PRKN: variants seen among roughly 807,000 people sequenced by gnomAD.
PRKN encodes the protein E3 ubiquitin-protein ligase parkin.
In PRKN, 56 loss-of-function variants were observed where a neutral mutation model predicts 59.5. The observed-to-expected ratio is 0.94, with a 90% CI of 0.76 to 1.18. The LOEUF is 1.18. Among genes scored for constraint, PRKN ranks in the 50% most tolerant of loss-of-function variants. The pLI is 0.00. For synonymous variants in PRKN, 250 were observed against 222.1 expected (o/e 1.13, Z -1.12); for missense variants, 657 against 596.4 (o/e 1.10, Z -1.06).
chr6:162,213,804 TACACAC>T (rs58192789), intron 3 of PRKN, among the ~76,000 whole-genome samples: 11,293 of 126,194 alleles, frequency 0.089, 537 homozygotes, highest in Admixed American at 0.12. Flanking sequence ...AAAAAAACCA[TACACAC>T]ACACACACAC....
chr6:162,415,155 C>T (rs745739655), intron 2 of PRKN, among the ~76,000 whole-genome samples: 8 of 152,110 alleles, frequency 5.3e-5, no homozygotes, highest in African/African-American at 1.7e-4. Flanking sequence ...TGCCGGCAAC[C>T]CTGCGTAATA....
chr6:162,211,091 C>A (rs992973868), intron 3 of PRKN, among the ~76,000 whole-genome samples: 5 of 152,186 alleles, frequency 3.3e-5, no homozygotes, highest in East Asian at 1.9e-4. Context: ...AAAGCACAAG[C>A]TTTCCTTTTA....
chr6:161,959,108 C>G (rs1382437063), intron 6 of PRKN, among the ~76,000 whole-genome samples: 1 of 152,162 alleles, frequency 6.6e-6, no homozygotes, highest in African/African-American at 2.4e-5. Flanking sequence ...TCTTCTAATA[C>G]TGTCCTAAAC....
chr6:162,231,004 C>T (rs6927026), intron 3 of PRKN, among the ~76,000 whole-genome samples: 16 of 152,198 alleles, frequency 1.1e-4, no homozygotes, highest in South Asian at 2.1e-4. Flanking sequence ...GGTTCCTGTA[C>T]GACAAATGCT....
intron 1 of PRKN, among the ~76,000 whole-genome samples, chr6:162,617,979 T>C (rs1268397366): frequency 6.6e-6 from 1 of 152,146 alleles, no homozygotes; most frequent in Admixed American, 6.5e-5. Flanking sequence ...CCTAGGAACC[T>C]GAGGTGCAGA....
At position 161,386,455 on chromosome 6, in the gene PRKN, T is replaced by C. The variant is rs915426403; in HGVS notation, c.1167+339A>G. The stretch of plus-strand genomic sequence containing the variant: ...AACTAGGGCATTAAAAACATTGAAG[T>C]AGACTTAGTATGGATTTCTCTGATT... On this transcript the variant is annotated intron_variant, in intron 10 of 11. Coordinates refer to ENST00000366898, the MANE Select transcript of PRKN (RefSeq NM_004562.3). This position sits in a 1 kb window ranked among gnomAD's most constrained non-coding sequence, Gnocchi z 4.3. Among the ~76,000 whole-genome samples, 9 of 152,324 alleles carry C rather than the reference T, an allele frequency of 5.9e-5. No individual in the cohort carries two copies. The highest frequency in any genetic ancestry group is 1.9e-4 in the African/African-American group (8 of 41,578).
chr6:162,217,118 A>C (rs1777711334), intron 3 of PRKN, among the ~76,000 whole-genome samples: 1 of 152,150 alleles, frequency 6.6e-6, no homozygotes. Context: ...ATCTCTCCTT[A>C]ATCAAGGAAA....
rs1188042458 is a variant in PRKN, at chr6:161,399,865, T to C, written c.1084-12988A>G. ...AATTTTTAATGGTCTAGTAGCTATA[T>C]GAAAAGAGGAAAAAGAAACAAGTAA... On this transcript the variant is annotated intron_variant, in intron 9 of 11. Transcript: ENST00000366898. This position sits in a 1 kb window ranked among gnomAD's most constrained non-coding sequence, Gnocchi z 4.4. Among the ~76,000 whole-genome samples the C allele has an allele frequency of 2.6e-5, 4 of 152,164 alleles. No individual in the cohort carries two copies. Among genetic ancestry groups the C allele is most frequent in the Non-Finnish European group, 4.4e-5 (3 of 68,036 alleles).
At chr6:162,645,375 A>G (rs1583972332) in intron 1 of PRKN, among the ~76,000 whole-genome samples, 2 of 152,316 alleles carry the variant, frequency 1.3e-5, no homozygotes, top group Middle Eastern at 6.8e-3. Flanking sequence ...TTGTGCATCA[A>G]GAAGCAAACA....
intron 6 of PRKN, among the ~76,000 whole-genome samples, chr6:161,957,423 TG>T (rs1562418227): frequency 0.14 from 18,447 of 134,302 alleles, 1,355 homozygotes; most frequent in South Asian, 0.21. Context: ...TTTTTTTGTT[TG>T]TTTGTTTGTT....
chr6:161,947,596 G>C (rs866558417), intron 6 of PRKN, among the ~76,000 whole-genome samples: 17 of 152,142 alleles, frequency 1.1e-4, no homozygotes, highest in Non-Finnish European at 1.8e-4. Flanking sequence ...AGTGATACCT[G>C]TCATGGAACT....
intron 7 of PRKN, among the ~76,000 whole-genome samples, chr6:161,772,545 A>C (rs908183720): frequency 2.0e-5 from 3 of 152,196 alleles, no homozygotes; most frequent in African/African-American, 7.2e-5. Context: ...TGGATACAAC[A>C]CTGACAGATG....
rs998971027 is a variant in PRKN at position 162,378,074 on chromosome 6, C to T, written c.171+65236G>A. 9.2e-5 allele frequency among the ~76,000 whole-genome samples: 14 copies of T among 152,278 alleles called. 1 individual carries two copies. Among genetic ancestry groups the T allele is most frequent in the African/African-American group, 3.1e-4 (13 of 41,540 alleles). ...TCACACAGCATGGTCAAAGGCAATACTTTAACATCACGAAATCAAGCTAGG... is the reference window on the plus strand; with the variant it reads ...TCACACAGCATGGTCAAAGGCAATATTTTAACATCACGAAATCAAGCTAGG... On this transcript the variant is annotated intron_variant, in intron 2 of 11. Transcript: ENST00000366898.
At chr6:162,427,136 A>T (rs553512572) in intron 2 of PRKN, among the ~76,000 whole-genome samples, 4 of 152,334 alleles carry the variant, frequency 2.6e-5, no homozygotes, top group South Asian at 4.1e-4. Flanking sequence ...TGCAAGTTAA[A>T]TCTACAATGA....
At chr6:162,480,153 A>C (rs1225187107) in intron 1 of PRKN, among the ~76,000 whole-genome samples, 1 of 152,202 alleles carries the variant, frequency 6.6e-6, no homozygotes, top group Non-Finnish European at 1.5e-5. Context: ...CGTACTATAC[A>C]TAATTGTATG....
chr6:162,538,107 C>A (rs117456429), intron 1 of PRKN, among the ~76,000 whole-genome samples: 2,935 of 152,124 alleles, frequency 0.019, 87 homozygotes, highest in Admixed American at 0.042. Context: ...TTGGAAATAC[C>A]CAAATACCTC....
chr6:162,279,870 T>C (rs1404878795), intron 2 of PRKN, among the ~76,000 whole-genome samples: 1 of 152,174 alleles, frequency 6.6e-6, no homozygotes, highest in East Asian at 1.9e-4. Flanking sequence ...ATTGGGTGCA[T>C]ATATATTTAG....
intron 7 of PRKN, among the ~76,000 whole-genome samples, chr6:161,761,100 T>C (rs1325426208): frequency 6.6e-6 from 1 of 152,360 alleles, no homozygotes; most frequent in East Asian, 1.9e-4. Context: ...TGAAAATTAA[T>C]GTCCCAGTCC....
chr6:161,513,223 G>A (rs1357669261), intron 9 of PRKN, among the ~76,000 whole-genome samples: 1 of 152,142 alleles, frequency 6.6e-6, no homozygotes, highest in African/African-American at 2.4e-5. Flanking sequence ...TGAGCTTAAA[G>A]ATACATGTTT....
Sources: allele counts gnomAD v4.1 joint callset (sites outside exome capture counted in the v4.1 genomes callset), GRCh38; gene constraint gnomAD v4.1.1; non-coding constraint Gnocchi (gnomAD v3.1); transcripts MANE v1.5; gene names NCBI Gene and HGNC (gene_info 2026-07-23, HGNC 2026-07-21).